NOX3: variants seen among roughly 807,000 people sequenced by gnomAD.
The protein encoded by NOX3 is NADPH oxidase catalytic subunit-like 3.
NOX3 carries 74 observed loss-of-function variants against 76.7 expected under a neutral mutation model. That is an observed-to-expected ratio of 0.96 (90% CI 0.80 to 1.17). The LOEUF is 1.17. Ranked by LOEUF, NOX3 falls within the 50% of genes most tolerant of loss-of-function variation. The pLI is 0.00. For missense variants in NOX3, 695 were observed against 703.3 expected (o/e 0.99, Z 0.13); for synonymous variants, 263 against 261.1 (o/e 1.01, Z -0.07).
chr6:155,402,109 G>C (rs1779238621), intron 12 of NOX3, among the ~76,000 whole-genome samples: 1 of 152,032 alleles, frequency 6.6e-6, no homozygotes, highest in Non-Finnish European at 1.5e-5. Context: ...CTGATTTTCT[G>C]AACATTTACC....
intron 8 of NOX3, among the ~76,000 whole-genome samples, chr6:155,429,752 C>T (rs978479781): frequency 5.9e-5 from 9 of 152,164 alleles, no homozygotes; most frequent in African/African-American, 2.2e-4. Context: ...CCAGGCCCTC[C>T]TGTCTTCTTT....
At chr6:155,427,318 T>C (rs1230962856) in intron 9 of NOX3, among the ~76,000 whole-genome samples, 1 of 152,074 alleles carries the variant, frequency 6.6e-6, no homozygotes, top group East Asian at 1.9e-4. Flanking sequence ...TACAGCTCAG[T>C]AGCCTACGAA....
intron 5 of NOX3, among the ~76,000 whole-genome samples, chr6:155,440,812 A>G (rs1440823740): frequency 6.6e-6 from 1 of 152,178 alleles, no homozygotes; most frequent in Non-Finnish European, 1.5e-5. Flanking sequence ...AACTATGTGG[A>G]TCACCATGCT....
chr6:155,413,324 T>G (rs984375814), intron 10 of NOX3, among the ~76,000 whole-genome samples: 5 of 145,356 alleles, frequency 3.4e-5, no homozygotes, highest in South Asian at 2.3e-4. Flanking sequence ...CCAGAGAGGG[T>G]GGGGAGAGCA....
At chr6:155,421,354 T>C (rs555925585) in intron 10 of NOX3, among the ~76,000 whole-genome samples, 39 of 152,104 alleles carry the variant, frequency 2.6e-4, no homozygotes, top group Non-Finnish European at 4.4e-4. Flanking sequence ...AATGAGAAAA[T>C]GTATGTCAAG....
intron 10 of NOX3, among the ~76,000 whole-genome samples, chr6:155,414,127 G>T (rs1776592855): frequency 6.6e-6 from 1 of 152,198 alleles, no homozygotes; most frequent in Non-Finnish European, 1.5e-5. Flanking sequence ...CAGCTTTGGT[G>T]TAAGAGGCTA....
chr6:155,432,792 A>G (rs767469195), intron 7 of NOX3, among the ~76,000 whole-genome samples: 1 of 152,180 alleles, frequency 6.6e-6, no homozygotes, highest in Non-Finnish European at 1.5e-5. Flanking sequence ...AAAGAGAATA[A>G]ACCTTTTGTC....
intron 7 of NOX3, among the ~76,000 whole-genome samples, chr6:155,433,271 G>A (rs937183713): frequency 9.9e-5 from 15 of 152,194 alleles, no homozygotes; most frequent in African/African-American, 3.6e-4. Flanking sequence ...TACCTGTGTT[G>A]TGCCTGGAGC....
chr6:155,445,981 C>CTA (rs61040526), intron 4 of NOX3, among the ~76,000 whole-genome samples: 19,517 of 103,982 alleles, frequency 0.19, 2,070 homozygotes, highest in East Asian at 0.52. Context: ...TATATATATG[C>CTA]TATATATATA....
chr6:155,454,602 G>A (rs1006181953), intron 3 of NOX3, among the ~76,000 whole-genome samples: 53 of 152,328 alleles, frequency 3.5e-4, no homozygotes, highest in African/African-American at 1.3e-3. Flanking sequence ...TGAGTGTCAT[G>A]TAGGAAATCA....
intron 10 of NOX3, among the ~76,000 whole-genome samples, chr6:155,419,933 C>A (rs1017648471): frequency 4.6e-5 from 7 of 151,742 alleles, no homozygotes; most frequent in African/African-American, 1.7e-4. Flanking sequence ...GTACAGAAGC[C>A]ATTGTTTATT....
At chr6:155,401,754 T>C (rs1361912377) in intron 12 of NOX3, among the ~76,000 whole-genome samples, 1 of 150,852 alleles carries the variant, frequency 6.6e-6, no homozygotes, top group African/African-American at 2.4e-5. Flanking sequence ...TATTTTTTTT[T>C]CTTCAAAGTT....
Position 155,440,096 on chromosome 6 carries a change from G to A in NOX3, c.528C>T (p.Thr176=), listed in dbSNP as rs771915448. The A allele has an allele frequency of 5.0e-6, 8 of 1,613,004 alleles. No individual in the cohort carries two copies. Among genetic ancestry groups the A allele is most frequent in the East Asian group, 2.2e-5 (1 of 44,848 alleles). Residue 176 remains threonine, a synonymous_variant, in exon 6 of 14, where the codon ACC becomes ACT. Coordinates refer to ENST00000159060, the MANE Select transcript of NOX3 (RefSeq NM_015718.3). The stretch of plus-strand genomic sequence containing the variant: ...CTAAAGCCAGAGAGATCACCAGACC[G>A]GTGACGCCTGCTATTGTCCTTAGCA... ...TELLRTIAGV[T]GLVISLALVL...
chr6:155,455,152 C>G (rs372871060), intron 1 of NOX3, 23 bp from the exon 2 acceptor site: 1 of 1,465,518 alleles, frequency 6.8e-7, no homozygotes, highest in African/African-American at 1.4e-5. Context: ...GGAAAGAGAA[C>G]CAATGATTAC....
At chr6:155,437,101 C>T (rs2073012) in intron 6 of NOX3, among the ~76,000 whole-genome samples, 57,789 of 151,930 alleles carry the variant, frequency 0.38, 11,514 homozygotes, top group East Asian at 0.6. Flanking sequence ...GTCTTCAAGA[C>T]GGTATTGATA....
intron 7 of NOX3, among the ~76,000 whole-genome samples, chr6:155,431,829 G>A (rs989754247): frequency 2.0e-5 from 3 of 152,310 alleles, no homozygotes; most frequent in Admixed American, 1.3e-4. Flanking sequence ...ATAAAGGGAC[G>A]AAGGTGTTTC....
chr6:155,399,979 G>C (rs1336421215), intron 12 of NOX3, among the ~76,000 whole-genome samples: 2 of 152,226 alleles, frequency 1.3e-5, no homozygotes, highest in East Asian at 3.8e-4. Flanking sequence ...AGTCTGGGCT[G>C]CTGACTTTGA....
chr6:155,430,747 A>T, intron 8 of NOX3, 96 bp downstream of exon 8: 2 of 703,500 alleles, frequency 2.8e-6, no homozygotes, highest in Admixed American at 4.6e-5. Context: ...AATTACAGAC[A>T]GTTCTGCAAT....
intron 12 of NOX3, among the ~76,000 whole-genome samples, chr6:155,404,426 G>T (rs1049775552): frequency 3.9e-5 from 6 of 152,100 alleles, no homozygotes; most frequent in African/African-American, 1.4e-4. Context: ...AACCAGAACT[G>T]GATTCTAGGC....
Sources: allele counts gnomAD v4.1 joint callset (sites outside exome capture counted in the v4.1 genomes callset), GRCh38; gene constraint gnomAD v4.1.1; transcripts MANE v1.5; gene names NCBI Gene and HGNC (gene_info 2026-07-23, HGNC 2026-07-21).